Variants in CUL5 observed in about 807,000 individuals in gnomAD.
The protein encoded by CUL5 is cullin 5.
A neutral mutation model predicts 108.8 loss-of-function variants in CUL5; 26 were observed. The observed-to-expected ratio is 0.24, with a 90% CI of 0.18 to 0.33. The LOEUF (loss-of-function observed/expected upper bound fraction) is 0.33, where lower values mean the gene tolerates loss of function less well. Ranked by LOEUF, CUL5 falls within the 10% of genes least tolerant of loss-of-function variation. CUL5 has a pLI of 1.00. For missense variants in CUL5, 524 were observed against 909.2 expected (o/e 0.58, Z 5.45); for synonymous variants, 334 against 298.0 (o/e 1.12, Z -1.25).
At chr11:108,056,055 G>T (rs890647429) in intron 7 of CUL5, among the ~76,000 whole-genome samples, 9 of 152,148 alleles carry the variant, frequency 5.9e-5, no homozygotes, top group Non-Finnish European at 1.3e-4. Context: ...CTGGGATTAT[G>T]GGCATGAGCC....
In CUL5 at chr11:108,009,076, C is replaced by T; in HGVS notation, c.-273C>T. ...TTCCAAGTCAGGTCGGCTCCCGTTA[C>T]CTTCTCAGCATTCGCCGTTCCGGTC... On this transcript the variant is annotated 5_prime_UTR_variant, in exon 1 of 19. Coordinates refer to ENST00000393094, the MANE Select transcript of CUL5 (RefSeq NM_003478.6). 1.9e-6 allele frequency: 1 copy of T among 530,046 alleles called. No homozygotes were observed. Among genetic ancestry groups the T allele is most frequent in the Non-Finnish European group, 3.4e-6 (1 of 297,474 alleles). The allele number at this position is 530,046 out of a possible 1,614,324, so 32.8% of individuals were successfully genotyped here.
chr11:108,063,602 A>C (rs915898036), intron 7 of CUL5, among the ~76,000 whole-genome samples: 1 of 149,252 alleles, frequency 6.7e-6, no homozygotes, highest in African/African-American at 2.4e-5. Flanking sequence ...AATAATAATA[A>C]AATTTAAAGT....
intron 11 of CUL5, among the ~76,000 whole-genome samples, chr11:108,086,280 G>GA (rs1864221486): frequency 6.6e-6 from 1 of 152,112 alleles, no homozygotes. Context: ...AGCCACGGGG[G>GA]AAAAATAACA....
intron 7 of CUL5, among the ~76,000 whole-genome samples, chr11:108,066,755 G>A (rs1863692398): frequency 1.3e-5 from 2 of 152,220 alleles, no homozygotes; most frequent in African/African-American, 4.8e-5. Flanking sequence ...TATAGCTGTG[G>A]ACAGAGCACA....
At chr11:108,044,327 A>G (rs1214043394) in intron 2 of CUL5, among the ~76,000 whole-genome samples, 1 of 151,852 alleles carries the variant, frequency 6.6e-6, no homozygotes, top group Non-Finnish European at 1.5e-5. Context: ...ATCAGTCCAG[A>G]CAACATAGGG....
chr11:108,039,384 T>C (rs1862832827), intron 2 of CUL5, among the ~76,000 whole-genome samples: 1 of 152,234 alleles, frequency 6.6e-6, no homozygotes, highest in Admixed American at 6.5e-5. Context: ...CCCTTCTGTG[T>C]CTTTCTCCCC....
chr11:108,088,271 A>G (rs983611165), intron 11 of CUL5, among the ~76,000 whole-genome samples: 8 of 152,218 alleles, frequency 5.3e-5, no homozygotes, highest in African/African-American at 1.9e-4. Context: ...GGGTGAGGCA[A>G]GAAGGCACCT....
rs545361948 is a variant in CUL5 at position 108,100,964 on chromosome 11, G to C, written c.2148+2435G>C. Among the ~76,000 whole-genome samples the C allele has an allele frequency of 5.7e-4, 87 of 152,312 alleles. 1 individual carries two copies. The highest frequency in any genetic ancestry group is 2.0e-3 in the African/African-American group (82 of 41,566). On this transcript the variant is annotated intron_variant, in intron 18 of 18. Transcript: ENST00000393094. Reference sequence around the variant, plus strand: ...GAATGGCTTGAACCTGGGAGGCGGAGGTTGCAGTGAGCGGAGATCGCGCCA... The same window carrying C: ...GAATGGCTTGAACCTGGGAGGCGGACGTTGCAGTGAGCGGAGATCGCGCCA...
rs1466818534 is a variant in CUL5, at chr11:108,107,038, T to G, written c.*2654T>G. 6.6e-6 allele frequency: 1 copy of G among 150,454 alleles called. No individual in the cohort carries two copies. The highest frequency in any genetic ancestry group is 2.5e-5 in the African/African-American group (1 of 40,810). The allele number at this position is 150,454 out of a possible 1,614,324, so 9.3% of individuals were successfully genotyped here. A position where few individuals can be genotyped will look rare whatever the true frequency, so the allele number is the denominator to read the frequency against. On this transcript the variant is annotated 3_prime_UTR_variant, in exon 19 of 19. Coordinates refer to ENST00000393094, the MANE Select transcript of CUL5 (RefSeq NM_003478.6). ...TTAAGAAGTAAAAATATAGAAAAAT[T>G]TTGATGGTCACAATGAGATAAATAT... is the stretch of plus-strand genomic sequence containing the variant.
rs1441916242 is a variant in CUL5, at chr11:108,062,105, A to G, written c.780+7150A>G. Reference sequence around the variant, plus strand: ...GCCAAAGCATATCACAATCTATATTATAATGTAACCTATATGCACTGTAGT... The same window carrying G: ...GCCAAAGCATATCACAATCTATATTGTAATGTAACCTATATGCACTGTAGT... On this transcript the variant is annotated intron_variant, in intron 7 of 18. Coordinates refer to ENST00000393094, the MANE Select transcript of CUL5 (RefSeq NM_003478.6). 2.0e-5 allele frequency among the ~76,000 whole-genome samples: 3 copies of G among 152,348 alleles called. No homozygotes were observed. The East Asian group carries it at 5.8e-4, about 29-fold the overall frequency.
chr11:108,096,801 G>A (rs888937253), intron 16 of CUL5, among the ~76,000 whole-genome samples: 1 of 151,790 alleles, frequency 6.6e-6, no homozygotes, highest in Non-Finnish European at 1.5e-5. Flanking sequence ...CCTGACCTCA[G>A]GTAATTTGCC....
chr11:108,094,350 A>G (rs1213659388), intron 13 of CUL5, 41 bp from the exon 14 acceptor site: 9 of 1,440,076 alleles, frequency 6.2e-6, no homozygotes, highest in African/African-American at 1.5e-5. Flanking sequence ...ATATCAGATT[A>G]TGTATTTATT....
In CUL5 at chr11:108,098,545, A is replaced by G; in HGVS notation, c.2148+16A>G. The G allele has an allele frequency of 6.7e-7, 1 of 1,485,276 alleles. No homozygotes were observed. Among genetic ancestry groups the G allele is most frequent in the Non-Finnish European group, 8.9e-7 (1 of 1,120,004 alleles). 92.0% of individuals were successfully genotyped at this position (1,485,276 alleles called of 1,614,324 possible). ...AAGAACCCAGGTTTGTAATGTTGAC[A>G]GAATGTCTGAAGTTTAAAAAAACTT... is the stretch of plus-strand genomic sequence containing the variant. On this transcript the variant is annotated intron_variant, in intron 18 of 18. Coordinates refer to ENST00000393094, the MANE Select transcript of CUL5 (RefSeq NM_003478.6).
chr11:108,048,698 A>G (rs1480741176), intron 3 of CUL5, among the ~76,000 whole-genome samples: 2 of 108,312 alleles, frequency 1.8e-5, no homozygotes, highest in African/African-American at 4.0e-5. Context: ...GTGGATTCTC[A>G]CTTTGTCGCC....
At chr11:108,072,578 T>A in intron 9 of CUL5, 116 bp downstream of exon 9, 1 of 796,212 alleles carries the variant, frequency 1.3e-6, no homozygotes, top group Non-Finnish European at 1.9e-6. Flanking sequence ...GCAGAAGAGG[T>A]TGGTTAGTGG....
intron 11 of CUL5, among the ~76,000 whole-genome samples, chr11:108,084,526 C>A (rs1864177105): frequency 6.6e-6 from 1 of 152,182 alleles, no homozygotes; most frequent in Non-Finnish European, 1.5e-5. Flanking sequence ...TGGACTGATT[C>A]CCTTTCATAG....
intron 7 of CUL5, among the ~76,000 whole-genome samples, chr11:108,056,362 T>C (rs186103071): frequency 6.6e-6 from 1 of 152,326 alleles, no homozygotes; most frequent in East Asian, 1.9e-4. Context: ...ACTTTTGACT[T>C]TTCTTTGGCT....
chr11:108,079,884 G>A (rs1475867329), intron 11 of CUL5, among the ~76,000 whole-genome samples: 4 of 152,036 alleles, frequency 2.6e-5, no homozygotes, highest in African/African-American at 4.8e-5. Context: ...ATTCTGCATT[G>A]TGTTTTTGAA....
At chr11:108,056,001 A>T (rs1214970191) in intron 7 of CUL5, among the ~76,000 whole-genome samples, 1 of 151,324 alleles carries the variant, frequency 6.6e-6, no homozygotes, top group Non-Finnish European at 1.5e-5. Flanking sequence ...CTGGTTTTGA[A>T]CTCCTGGCCT....
Sources: gnomAD v4.1 joint callset for allele counts (sites outside exome capture counted in the v4.1 genomes callset) on GRCh38, gnomAD v4.1.1 for gene constraint, MANE v1.5 for transcripts, NCBI Gene and HGNC (gene_info 2026-07-23, HGNC 2026-07-21) for gene names.